The following PARD3B variants were observed in gnomAD, a reference collection of about 807,000 sequenced individuals.
The protein encoded by PARD3B is par-3 family cell polarity regulator beta.
Under a neutral mutation model 130.2 loss-of-function variants are expected in PARD3B, and 103 were observed. That is an observed-to-expected ratio of 0.79 (90% CI 0.67 to 0.93). The LOEUF is 0.93. Ranked by LOEUF, PARD3B falls within the 40% of genes least tolerant of loss-of-function variation. The pLI, the probability that PARD3B is intolerant of heterozygous loss-of-function variation, is 0.00. For missense variants in PARD3B, 1,609 were observed against 1,499.2 expected (o/e 1.07, Z -1.21); for synonymous variants, 583 against 553.2 (o/e 1.05, Z -0.76).
At chr2:204,662,519 G>A (rs1183087104) in intron 1 of PARD3B, among the ~76,000 whole-genome samples, 1 of 152,142 alleles carries the variant, frequency 6.6e-6, no homozygotes, top group African/African-American at 2.4e-5. Context: ...GGTTCAGCTT[G>A]CAACATAATC....
chr2:204,766,011 A>G (rs987253739), intron 2 of PARD3B, among the ~76,000 whole-genome samples: 14 of 152,154 alleles, frequency 9.2e-5, no homozygotes, highest in African/African-American at 3.1e-4. Flanking sequence ...TAATTTTAAA[A>G]TTTTACTTTT....
chr2:205,114,753 CT>C (rs5837954), intron 6 of PARD3B, among the ~76,000 whole-genome samples: 140,911 of 144,570 alleles, frequency 0.97, 68,685 homozygotes, highest in East Asian at 1. Context: ...AAGTCATCAC[CT>C]TTTTTTTTTT....
chr2:205,486,243 AAAC>A (rs1485482848), intron 20 of PARD3B, among the ~76,000 whole-genome samples: 1 of 152,176 alleles, frequency 6.6e-6, no homozygotes, highest in East Asian at 1.9e-4. Context: ...CATGTTTTAA[AAAC>A]AACTGAAACA....
At position 205,260,339 on chromosome 2, in the gene PARD3B, T is replaced by C. The variant is rs138950159; in HGVS notation, c.2185+14517T>C. On this transcript the variant is annotated intron_variant, in intron 16 of 22. Coordinates refer to ENST00000406610, the MANE Select transcript of PARD3B (RefSeq NM_001302769.2). ...ATGTCAGTGCTCAAAAAGTTCTGGA[T>C]TTAGGAGTATTTCAGATTTTGGATT... 4.6e-3 allele frequency among the ~76,000 whole-genome samples: 695 copies of C among 152,250 alleles called. 1 individual carries two copies. The highest frequency in any genetic ancestry group is 0.016 in the African/African-American group (664 of 41,556).
At chr2:204,751,232 A>G (rs189299951) in intron 2 of PARD3B, among the ~76,000 whole-genome samples, 1 of 152,324 alleles carries the variant, frequency 6.6e-6, no homozygotes, top group East Asian at 1.9e-4. Context: ...GATGATTGGA[A>G]ATCTTAATGG....
At position 205,258,796 on chromosome 2, in the gene PARD3B, G is replaced by C. The variant is rs2040192688; in HGVS notation, c.2185+12974G>C. Among the ~76,000 whole-genome samples, 1 of 152,054 alleles carries C rather than the reference G, an allele frequency of 6.6e-6. No homozygotes were observed. Among genetic ancestry groups the C allele is most frequent in the Non-Finnish European group, 1.5e-5 (1 of 68,014 alleles). On this transcript the variant is annotated intron_variant, in intron 16 of 22. Coordinates refer to ENST00000406610, the MANE Select transcript of PARD3B (RefSeq NM_001302769.2). This position sits in a 1 kb window ranked among gnomAD's most constrained non-coding sequence, Gnocchi z 4.9. ...ATGTGACAACCTGAATTGTAACTGG[G>C]GTTTAACACATTTACATTTATTGCA... is the stretch of plus-strand genomic sequence containing the variant.
chr2:205,468,635 G>A (rs988303474), intron 20 of PARD3B, among the ~76,000 whole-genome samples: 1 of 152,120 alleles, frequency 6.6e-6, no homozygotes, highest in African/African-American at 2.4e-5. Context: ...CTCTTTCTGA[G>A]GAAGAGGTAG....
At chr2:204,701,263 A>G (rs2037879389) in intron 2 of PARD3B, among the ~76,000 whole-genome samples, 1 of 152,164 alleles carries the variant, frequency 6.6e-6, no homozygotes, top group African/African-American at 2.4e-5. Flanking sequence ...ACTGTAATTA[A>G]AATGTAAAAG....
chr2:204,585,440 CT>C (rs2032774067), intron 1 of PARD3B, among the ~76,000 whole-genome samples: 1 of 151,964 alleles, frequency 6.6e-6, no homozygotes, highest in Non-Finnish European at 1.5e-5. Context: ...CTGAAGTGAT[CT>C]TCCCATCTCA....
At chr2:205,093,258 C>G (rs1046973070) in intron 4 of PARD3B, among the ~76,000 whole-genome samples, 13 of 152,028 alleles carry the variant, frequency 8.6e-5, no homozygotes, top group Admixed American at 7.9e-4. Flanking sequence ...ATTTGTTTAC[C>G]CAGTAAACCC....
At chr2:204,698,987 A>G (rs897703812) in intron 2 of PARD3B, among the ~76,000 whole-genome samples, 2 of 152,138 alleles carry the variant, frequency 1.3e-5, no homozygotes, top group African/African-American at 2.4e-5. Context: ...AGAGTGAAGT[A>G]TAATAATCTT....
chr2:204,647,409 GAAGTT>G (rs1197154730), intron 1 of PARD3B, among the ~76,000 whole-genome samples: 1 of 151,368 alleles, frequency 6.6e-6, no homozygotes, highest in Non-Finnish European at 1.5e-5. Flanking sequence ...TTTATGATTG[GAAGTT>G]TAGTCTAAAT....
chr2:204,693,392 A>G (rs557326626), intron 2 of PARD3B, among the ~76,000 whole-genome samples: 3 of 152,098 alleles, frequency 2.0e-5, no homozygotes, highest in South Asian at 2.1e-4. Flanking sequence ...TCTGGACAAA[A>G]AAGTCAGTTC....
At chr2:205,577,129 A>G (rs1379588500) in intron 22 of PARD3B, among the ~76,000 whole-genome samples, 2 of 152,192 alleles carry the variant, frequency 1.3e-5, no homozygotes, top group Non-Finnish European at 2.9e-5. Flanking sequence ...TGACTTTTGT[A>G]TATTAATTTT....
intron 2 of PARD3B, among the ~76,000 whole-genome samples, chr2:204,885,410 C>T (rs1308076009): frequency 2.6e-5 from 4 of 152,054 alleles, no homozygotes; most frequent in African/African-American, 9.7e-5. Context: ...AAAATGTTTT[C>T]CCATTCTGTA....
rs1466351367 is a variant in PARD3B at position 205,351,304 on chromosome 2, G to C, written c.2630+49603G>C. ...TTTGATAAGACCACTCCTTTGTGGAGTTGTATCAGGGAATAGTCTCTTAAT... is the reference window on the plus strand; with the variant it reads ...TTTGATAAGACCACTCCTTTGTGGACTTGTATCAGGGAATAGTCTCTTAAT... On this transcript the variant is annotated intron_variant, in intron 18 of 22. Coordinates refer to ENST00000406610, the MANE Select transcript of PARD3B (RefSeq NM_001302769.2). This position sits in a 1 kb window ranked among gnomAD's most constrained non-coding sequence, Gnocchi z 4.2. Among the ~76,000 whole-genome samples, 3 of 152,304 alleles carry C rather than the reference G, an allele frequency of 2.0e-5. 1 individual carries two copies. The highest frequency in any genetic ancestry group is 7.2e-5 in the African/African-American group (3 of 41,562).
At chr2:205,004,354 T>C (rs1695084915) in intron 3 of PARD3B, among the ~76,000 whole-genome samples, 1 of 152,100 alleles carries the variant, frequency 6.6e-6, no homozygotes, top group African/African-American at 2.4e-5. Context: ...ATTTGAAGAG[T>C]GAGGATTTAG....
rs2053158080 is a variant in PARD3B at position 205,562,055 on chromosome 2, T to C, written c.3260+8652T>C. ...TCTTTGTGAGATTAAGATGTCTCCA[T>C]TGTCAACTCAAACTTCCTGAAAATG... On this transcript the variant is annotated intron_variant, in intron 22 of 22. Coordinates refer to ENST00000406610, the MANE Select transcript of PARD3B (RefSeq NM_001302769.2). The surrounding 1 kb of genome is among the most constrained non-coding windows in gnomAD (Gnocchi z 5.4). Among the ~76,000 whole-genome samples the C allele has an allele frequency of 6.6e-6, 1 of 152,314 alleles. No individual in the cohort carries two copies. The highest frequency in any genetic ancestry group is 2.4e-5 in the African/African-American group (1 of 41,570).
At chr2:205,467,780 G>A (rs6745571) in intron 20 of PARD3B, among the ~76,000 whole-genome samples, 5,534 of 152,230 alleles carry the variant, frequency 0.036, 308 homozygotes, top group African/African-American at 0.12. Flanking sequence ...GTCCAGGGCA[G>A]CGAAAGACCC....
Sources: gnomAD v4.1 joint callset for allele counts (sites outside exome capture counted in the v4.1 genomes callset) on GRCh38, gnomAD v4.1.1 for gene constraint, Gnocchi (gnomAD v3.1) non-coding constraint, MANE v1.5 for transcripts, NCBI Gene and HGNC (gene_info 2026-07-23, HGNC 2026-07-21) for gene names.